Variants in SSBP2 observed in about 807,000 individuals in gnomAD.
SSBP2 encodes single-stranded DNA-binding protein 2.
In SSBP2, 17 loss-of-function variants were observed where a neutral mutation model predicts 61.8. That is an observed-to-expected ratio of 0.28 (90% CI 0.19 to 0.41). The LOEUF (loss-of-function observed/expected upper bound fraction) is 0.41. SSBP2 is among the 10% of genes least tolerant of loss of function. The pLI is 1.00. For synonymous variants in SSBP2, 139 were observed against 141.3 expected, an observed-to-expected ratio of 0.98 and a Z score of 0.12; for missense variants, 310 against 458.7, an observed-to-expected ratio of 0.68 and a Z score of 2.96.
chr5:81,650,273 T>TA lies in SSBP2; in HGVS notation c.128dup (p.Leu43PhefsTer38). On this transcript the variant is annotated frameshift_variant, in exon 2 of 17. Transcript: ENST00000320672. LOFTEE classifies it high-confidence loss of function. ...GAAAATATATAAAACATACCTCTGATAAAAATGTTTGAGCTGATTTCTGAG... is the reference window on the plus strand; with the variant it reads ...GAAAATATATAAAACATACCTCTGATAAAAAATGTTTGAGCTGATTTCTGAG... 1 of 1,582,242 alleles carries TA rather than the reference T, an allele frequency of 6.3e-7. No homozygotes were observed. The highest frequency in any genetic ancestry group is 8.6e-7 in the Non-Finnish European group (1 of 1,162,094).
At chr5:81,539,128 C>G (rs2972233) in intron 4 of SSBP2, among the ~76,000 whole-genome samples, 2 of 151,964 alleles carry the variant, frequency 1.3e-5, no homozygotes, top group East Asian at 3.9e-4. Context: ...TTGTGATTCA[C>G]GGGAGGAGAT....
At chr5:81,669,231 G>A (rs1488880573) in intron 1 of SSBP2, among the ~76,000 whole-genome samples, 4 of 152,156 alleles carry the variant, frequency 2.6e-5, no homozygotes, top group Non-Finnish European at 5.9e-5. Flanking sequence ...TTCATTGCTG[G>A]TGGGAATGCA....
chr5:81,675,629 C>G (rs558914743), intron 1 of SSBP2, among the ~76,000 whole-genome samples: 2 of 152,230 alleles, frequency 1.3e-5, no homozygotes. Context: ...TTATATGCAA[C>G]CTAATGAAAT....
At chr5:81,721,893 T>G (rs1409983828) in intron 1 of SSBP2, among the ~76,000 whole-genome samples, 3 of 152,098 alleles carry the variant, frequency 2.0e-5, no homozygotes, top group Non-Finnish European at 2.9e-5. Flanking sequence ...TCTATGCACA[T>G]GAGTATCACC....
intron 6 of SSBP2, among the ~76,000 whole-genome samples, chr5:81,480,934 G>C (rs975416054): frequency 1.3e-5 from 2 of 152,184 alleles, no homozygotes; most frequent in East Asian, 3.8e-4. Flanking sequence ...TCCTTACCAG[G>C]AAAGAGTAGA....
intron 1 of SSBP2, among the ~76,000 whole-genome samples, chr5:81,748,991 TTTGA>T (rs1466020286): frequency 1.3e-5 from 2 of 152,214 alleles, no homozygotes; most frequent in Non-Finnish European, 2.9e-5. Context: ...CTAAAATTAC[TTTGA>T]TTCTCAAATT....
At chr5:81,451,666 A>T (rs1053715639) in intron 10 of SSBP2, among the ~76,000 whole-genome samples, 2 of 152,326 alleles carry the variant, frequency 1.3e-5, no homozygotes, top group East Asian at 3.9e-4. Context: ...ACCTCAGGTG[A>T]TCCACCCGCC....
At chr5:81,633,103 T>A in intron 3 of SSBP2, among the ~76,000 whole-genome samples, 1 of 137,584 alleles carries the variant, frequency 7.3e-6, no homozygotes, top group African/African-American at 2.7e-5. Context: ...TAGCTGAGCC[T>A]CTGTCTTTTT....
chr5:81,664,350 C>G (rs411841), intron 1 of SSBP2, among the ~76,000 whole-genome samples: 114,169 of 151,660 alleles, frequency 0.75, 44,594 homozygotes, highest in African/African-American at 0.94. Flanking sequence ...GGCTGGTCTT[C>G]AACTCCTGAC....
At chr5:81,687,973 G>T (rs556530651) in intron 1 of SSBP2, among the ~76,000 whole-genome samples, 1 of 152,160 alleles carries the variant, frequency 6.6e-6, no homozygotes, top group Non-Finnish European at 1.5e-5. Flanking sequence ...TTGAGAAAAC[G>T]AGAAGGAAGA....
chr5:81,650,335 C>T lies in SSBP2; in HGVS notation c.67G>A (p.Ala23Thr). Reference sequence around the variant, plus strand: ...AGCAGATATTCATATACGTAGAGTGCTAACCTGGAAAACAAATAAAATATT... The same window carrying T: ...AGCAGATATTCATATACGTAGAGTGTTAACCTGGAAAACAAATAAAATATT... Residue 23 changes from alanine to threonine, a missense_variant, in exon 2 of 17, where the codon GCA (alanine) becomes ACA (threonine). Ala to Thr is a moderately conservative substitution (Grantham distance 58). Coordinates refer to ENST00000320672, the MANE Select transcript of SSBP2 (RefSeq NM_012446.5). 1.3e-6 allele frequency: 2 copies of T among 1,560,662 alleles called. No homozygotes were observed. The highest frequency in any genetic ancestry group is 1.4e-5 in the African/African-American group (1 of 72,264).
intron 1 of SSBP2, among the ~76,000 whole-genome samples, chr5:81,734,970 CAAAAAAAAAAAAA>C (rs11350574): frequency 7.1e-5 from 5 of 70,518 alleles, no homozygotes; most frequent in African/African-American, 1.2e-4. Flanking sequence ...GACTCCATCT[CAAAAAAAAAAAAA>C]AAAAAAAAAG....
chr5:81,709,767 A>G (rs150876682), intron 1 of SSBP2, among the ~76,000 whole-genome samples: 1 of 152,036 alleles, frequency 6.6e-6, no homozygotes, highest in East Asian at 1.9e-4. Flanking sequence ...TTTATTTTGA[A>G]AAGAAAAAAA....
At chr5:81,653,997 T>C (rs147436685) in intron 1 of SSBP2, among the ~76,000 whole-genome samples, 163 of 126,736 alleles carry the variant, frequency 1.3e-3, no homozygotes, top group African/African-American at 3.7e-3. Context: ...TTTTTTGTTT[T>C]GTTTTTTTTT....
intron 4 of SSBP2, among the ~76,000 whole-genome samples, chr5:81,529,601 C>T (rs2154103526): frequency 6.6e-6 from 1 of 152,202 alleles, no homozygotes; most frequent in South Asian, 2.1e-4. Flanking sequence ...AACAACCACA[C>T]ATTGGTTTAA....
rs538982931 is a variant in SSBP2 at position 81,716,572 on chromosome 5, G to T, written c.62+34409C>A. Among the ~76,000 whole-genome samples, 21 of 152,192 alleles carry T rather than the reference G, an allele frequency of 1.4e-4. No individual in the cohort carries two copies. In the East Asian group the frequency reaches 4.1e-3, roughly 29 times the overall value. The stretch of plus-strand genomic sequence containing the variant: ...TGTATATAATTTTTTTAAACTCAGG[G>T]TTCATGCTGAATATGCAAATTACAT... On this transcript the variant is annotated intron_variant, in intron 1 of 16. Transcript: ENST00000320672.
chr5:81,492,245 G>A (rs565575423), intron 5 of SSBP2, among the ~76,000 whole-genome samples: 71 of 152,308 alleles, frequency 4.7e-4, no homozygotes, highest in African/African-American at 1.6e-3. Context: ...GCTCATGCCT[G>A]TAATCCCAGC....
intron 15 of SSBP2, among the ~76,000 whole-genome samples, chr5:81,431,183 T>C (rs1312869687): frequency 6.6e-6 from 1 of 152,160 alleles, no homozygotes; most frequent in Non-Finnish European, 1.5e-5. Context: ...AAGGCAAGAA[T>C]ATGATGTATA....
chr5:81,688,236 C>T (rs576595215), intron 1 of SSBP2, among the ~76,000 whole-genome samples: 4 of 152,282 alleles, frequency 2.6e-5, no homozygotes, highest in South Asian at 4.1e-4. Context: ...TCTTATGATT[C>T]GGGTGCCAGC....
Sources: gnomAD v4.1 joint callset for allele counts (sites outside exome capture counted in the v4.1 genomes callset) on GRCh38, gnomAD v4.1.1 for gene constraint, MANE v1.5 for transcripts, NCBI Gene and HGNC (gene_info 2026-07-23, HGNC 2026-07-21) for gene names.